Variants in ERC2 observed in about 807,000 individuals in gnomAD.
ERC2 encodes ERC protein 2.
In ERC2, 42 loss-of-function variants were observed where a neutral mutation model predicts 114.8. That is an observed-to-expected ratio of 0.37 (90% CI 0.29 to 0.47). The LOEUF is 0.47. Among genes scored for constraint, ERC2 ranks in the 20% least tolerant of loss-of-function variants. The pLI, the probability that ERC2 is intolerant of heterozygous loss-of-function variation, is 0.99. For missense variants in ERC2, 939 were observed against 1,150.7 expected, an observed-to-expected ratio of 0.82 and a Z score of 2.66; for synonymous variants, 454 against 425.5, an observed-to-expected ratio of 1.07 and a Z score of -0.82.
intron 2 of ERC2, among the ~76,000 whole-genome samples, chr3:56,320,045 C>T (rs536898285): frequency 6.6e-6 from 1 of 152,312 alleles, no homozygotes; most frequent in Admixed American, 6.5e-5. Flanking sequence ...GAGCAAACGA[C>T]AATTCATTAA....
intron 14 of ERC2, among the ~76,000 whole-genome samples, chr3:55,849,629 T>TGAAGAGG (rs2061494158): frequency 6.6e-6 from 1 of 152,192 alleles, no homozygotes; most frequent in Non-Finnish European, 1.5e-5. Context: ...TATCAACAAA[T>TGAAGAGG]GCCCATGCCC....
intron 2 of ERC2, among the ~76,000 whole-genome samples, chr3:56,410,555 G>A (rs956521581): frequency 6.6e-6 from 1 of 152,178 alleles, no homozygotes; most frequent in African/African-American, 2.4e-5. Flanking sequence ...ACAGAAACTC[G>A]AAAAGACCAA....
chr3:55,576,013 A>C (rs1432859878), intron 17 of ERC2, among the ~76,000 whole-genome samples: 2 of 152,166 alleles, frequency 1.3e-5, no homozygotes, highest in African/African-American at 4.8e-5. Context: ...TTACCTCTAT[A>C]AAATTCTCCA....
chr3:55,977,036 C>T (rs755707060), intron 12 of ERC2, among the ~76,000 whole-genome samples: 6 of 152,228 alleles, frequency 3.9e-5, no homozygotes, highest in African/African-American at 9.6e-5. Flanking sequence ...AGAAAGCAGG[C>T]GCTCACCAGA....
At chr3:55,794,947 A>G (rs1003090241) in intron 14 of ERC2, among the ~76,000 whole-genome samples, 1 of 152,128 alleles carries the variant, frequency 6.6e-6, no homozygotes, top group Non-Finnish European at 1.5e-5. Flanking sequence ...CTTTGCTTCA[A>G]TGTTTTCTTT....
chr3:55,924,560 C>A (rs115390492), intron 13 of ERC2, among the ~76,000 whole-genome samples: 2 of 151,910 alleles, frequency 1.3e-5, no homozygotes, highest in Non-Finnish European at 2.9e-5. Flanking sequence ...TTCCTCTCTC[C>A]GCAAAAATCC....
At chr3:56,409,505 T>C (rs753925784) in intron 2 of ERC2, among the ~76,000 whole-genome samples, 43 of 106,794 alleles carry the variant, frequency 4.0e-4, no homozygotes, top group Admixed American at 5.2e-4. Context: ...TATACCAAAC[T>C]AAAGCTAGAC....
chr3:55,879,125 A>G (rs1437897667), intron 14 of ERC2, among the ~76,000 whole-genome samples: 1 of 63,644 alleles, frequency 1.6e-5, no homozygotes, highest in Non-Finnish European at 3.0e-5. Context: ...GAGTTTCTGC[A>G]TTCAAATTAA....
At chr3:56,071,759 G>GA (rs758296844) in intron 7 of ERC2, among the ~76,000 whole-genome samples, 21 of 152,288 alleles carry the variant, frequency 1.4e-4, no homozygotes, top group Non-Finnish European at 2.1e-4. Context: ...TCCCTTAGAA[G>GA]AAAAGCAATG....
Position 56,296,344 on chromosome 3 carries a change from C to T in ERC2, c.749G>A (p.Gly250Glu). 6.2e-7 allele frequency: 1 copy of T among 1,614,048 alleles called. No individual in the cohort carries two copies. Among genetic ancestry groups the T allele is most frequent in the Non-Finnish European group, 8.5e-7 (1 of 1,179,900 alleles). The change falls in exon 3 of 18, where the codon GGA (glycine) becomes GAA (glutamate). Residue 250 changes from glycine to glutamate, a missense_variant. Gly to Glu is a moderately conservative substitution (Grantham distance 98). This residue lies in a region of ERC2 where 281 missense variants were observed against 307.4 expected (regional missense o/e 0.91). Transcript: ENST00000288221. ...HLLQQESGNR[G>E]AEHFTIELTE... ...CAGCTCGATGGTGAAGTGCTCCGCTCCTCGGTTGCCACTCTCTTGCTGGAG... is the reference window on the plus strand; with the variant it reads ...CAGCTCGATGGTGAAGTGCTCCGCTTCTCGGTTGCCACTCTCTTGCTGGAG...
At chr3:56,128,900 A>T (rs2149881854) in intron 6 of ERC2, among the ~76,000 whole-genome samples, 1 of 152,362 alleles carries the variant, frequency 6.6e-6, no homozygotes, top group Non-Finnish European at 1.5e-5. Flanking sequence ...GTCCCGTTTC[A>T]AATTAGCAAC....
chr3:55,759,468 A>AAAAC (rs1559609736), intron 14 of ERC2, among the ~76,000 whole-genome samples: 3 of 14,388 alleles, frequency 2.1e-4, no homozygotes, highest in African/African-American at 1.0e-3. Flanking sequence ...TCATTAAAAA[A>AAAAC]AAAAAAAAAA....
chr3:56,015,841 C>A (rs1386388951), intron 8 of ERC2, among the ~76,000 whole-genome samples: 1 of 152,148 alleles, frequency 6.6e-6, no homozygotes, highest in East Asian at 1.9e-4. Flanking sequence ...AAAAGCATTC[C>A]TTTTTCTGCC....
chr3:55,912,606 A>C (rs2064871661), intron 13 of ERC2, among the ~76,000 whole-genome samples: 1 of 152,228 alleles, frequency 6.6e-6, no homozygotes, highest in African/African-American at 2.4e-5. Context: ...AGACAAAATT[A>C]AATGTACATA....
chr3:55,591,148 G>A (rs1488404803), intron 17 of ERC2, among the ~76,000 whole-genome samples: 1 of 151,478 alleles, frequency 6.6e-6, no homozygotes, highest in Non-Finnish European at 1.5e-5. Flanking sequence ...ACTTTAAGGG[G>A]TAGAATTATG....
intron 14 of ERC2, among the ~76,000 whole-genome samples, chr3:55,778,683 A>G (rs767955366): frequency 6.6e-6 from 1 of 152,234 alleles, no homozygotes; most frequent in East Asian, 1.9e-4. Context: ...AAAAAGGTCT[A>G]TCAGCCAGCA....
At chr3:55,851,104 G>T (rs929760855) in intron 14 of ERC2, among the ~76,000 whole-genome samples, 2 of 151,880 alleles carry the variant, frequency 1.3e-5, no homozygotes, top group African/African-American at 4.8e-5. Context: ...TGCAGAGACT[G>T]CTGGCACATT....
chr3:56,448,196 A>G (rs1230035655), intron 1 of ERC2, among the ~76,000 whole-genome samples: 1 of 152,160 alleles, frequency 6.6e-6, no homozygotes, highest in Non-Finnish European at 1.5e-5. Flanking sequence ...TCATATTAAT[A>G]TGTGCAATTC....
chr3:55,693,771 C>T (rs749710423), intron 16 of ERC2, among the ~76,000 whole-genome samples: 2 of 151,532 alleles, frequency 1.3e-5, no homozygotes, highest in African/African-American at 2.4e-5. Context: ...TGCAATGGCG[C>T]GATCTCAGCT....
Sources: gnomAD v4.1 joint callset for allele counts (sites outside exome capture counted in the v4.1 genomes callset) on GRCh38, gnomAD v4.1.1 for gene constraint, gnomAD v4.1.1 regional missense constraint, MANE v1.5 for transcripts, NCBI Gene and HGNC (gene_info 2026-07-23, HGNC 2026-07-21) for gene names.